Variants in ARHGAP39 observed in about 807,000 individuals in gnomAD.
ARHGAP39 encodes the protein rho GTPase-activating protein 39.
In ARHGAP39, 44 loss-of-function variants were observed where a neutral mutation model predicts 106.9. The ratio of observed to expected loss-of-function variants is 0.41; its 90% confidence interval spans 0.32 to 0.53. The LOEUF (loss-of-function observed/expected upper bound fraction) is 0.53. ARHGAP39 is among the 20% of genes least tolerant of loss of function. The pLI is 0.21. For synonymous variants in ARHGAP39, 768 were observed against 693.2 expected, an observed-to-expected ratio of 1.11 and a Z score of -1.69; for missense variants, 1,496 against 1,577.3, an observed-to-expected ratio of 0.95 and a Z score of 0.87.
chr8:144,692,748 CTTTTTTTTTTTT>C, the ARHGAP39 span, among the ~76,000 whole-genome samples: 1 of 69,050 alleles, frequency 1.4e-5, no homozygotes, highest in Non-Finnish European at 2.7e-5. Context: ...TTGTAAAATT[CTTTTTTTTTTTT>C]TTTTTTTTTT....
chr8:144,547,830 G>GCGTACTTGTGCCGCGGGC lies in ARHGAP39; in HGVS notation c.1238_1255dup (p.Gly413_Tyr418dup). On this transcript the variant is annotated inframe_insertion, in exon 5 of 12. Transcript: ENST00000377307. This position sits in a 1 kb window ranked among gnomAD's most constrained non-coding sequence, Gnocchi z 5.2. ...GTACGAACCACCGCCGGGGTTGGGCGCGTACTTGTGCCGCGGGCCGGCGCG... is the reference window on the plus strand; with the variant it reads ...GTACGAACCACCGCCGGGGTTGGGCGCGTACTTGTGCCGCGGGCCGTACTTGTGCCGCGGGCCGGCGCG... The GCGTACTTGTGCCGCGGGC allele has an allele frequency of 1.3e-6, 2 of 1,590,356 alleles. No individual in the cohort carries two copies. The highest frequency in any genetic ancestry group is 1.7e-6 in the Non-Finnish European group (2 of 1,170,050).
chr8:144,570,484 C>T (rs1436874652), intron 3 of ARHGAP39, among the ~76,000 whole-genome samples: 1 of 152,176 alleles, frequency 6.6e-6, no homozygotes. Flanking sequence ...AAGTTGACTT[C>T]AAGGCAAGAA....
intron 2 of ARHGAP39, among the ~76,000 whole-genome samples, chr8:144,597,732 T>C (rs1819675925): frequency 6.6e-6 from 1 of 151,968 alleles, no homozygotes; most frequent in South Asian, 2.1e-4. Flanking sequence ...AGGAGCTCAG[T>C]TAGGAAAGGG....
chr8:144,532,224 C>T, intron 10 of ARHGAP39, 81 bp downstream of exon 10: 2 of 1,229,008 alleles, frequency 1.6e-6, no homozygotes, highest in Non-Finnish European at 1.2e-6. Context: ...TCAGGGTGGA[C>T]CCCAGAGGCG....
chr8:144,554,014 T>C (rs966877451), intron 4 of ARHGAP39, among the ~76,000 whole-genome samples: 2 of 152,194 alleles, frequency 1.3e-5, no homozygotes, highest in Admixed American at 6.5e-5. Context: ...AGCACATGGA[T>C]GTACTCGTGG....
In ARHGAP39 at chr8:144,604,920, TC is replaced by T. The variant is rs1194398466; in HGVS notation, c.80+614del. On this transcript the variant is annotated intron_variant, in intron 2 of 11. Coordinates refer to ENST00000377307, the MANE Select transcript of ARHGAP39 (RefSeq NM_025251.3). This position sits in a 1 kb window ranked among gnomAD's most constrained non-coding sequence, Gnocchi z 4.1. Reference sequence around the variant, plus strand: ...GGCACTCGAGCACTCATGGGGCTGTTCTTATTCTTGTAACTTTTCTGGAAGC... The same window carrying T: ...GGCACTCGAGCACTCATGGGGCTGTTTTATTCTTGTAACTTTTCTGGAAGC... Among the ~76,000 whole-genome samples the T allele has an allele frequency of 6.6e-6, 1 of 152,248 alleles. No individual in the cohort carries two copies. Among genetic ancestry groups the T allele is most frequent in the African/African-American group, 2.4e-5 (1 of 41,462 alleles).
At chr8:144,682,006 C>T (rs1391350435) in intron 1 of ARHGAP39, among the ~76,000 whole-genome samples, 1 of 152,200 alleles carries the variant, frequency 6.6e-6, no homozygotes, top group East Asian at 1.9e-4. Context: ...CGGTGGCACA[C>T]GCCTGTAATC....
chr8:144,589,852 G>T (rs1819325152), intron 2 of ARHGAP39, among the ~76,000 whole-genome samples: 1 of 152,256 alleles, frequency 6.6e-6, no homozygotes, highest in Non-Finnish European at 1.5e-5. Flanking sequence ...GCCTCCTCCA[G>T]AAGCCTTAGG....
chr8:144,574,408 T>C (rs189120668), intron 3 of ARHGAP39, among the ~76,000 whole-genome samples: 1,870 of 152,114 alleles, frequency 0.012, 20 homozygotes, highest in Middle Eastern at 0.02. Context: ...TGGTGGCTCA[T>C]GCCTGTAATC....
At chr8:144,544,456 G>A (rs1223812112) in intron 6 of ARHGAP39, among the ~76,000 whole-genome samples, 3 of 152,268 alleles carry the variant, frequency 2.0e-5, no homozygotes, top group Non-Finnish European at 4.4e-5. Context: ...TGGCATGTCT[G>A]ACCTGGAGGG....
intron 1 of ARHGAP39, among the ~76,000 whole-genome samples, chr8:144,631,157 G>A (rs1563716435): frequency 6.6e-6 from 1 of 152,222 alleles, no homozygotes; most frequent in Non-Finnish European, 1.5e-5. Flanking sequence ...CGCCAAGGGG[G>A]TGGGCCAAGC....
chr8:144,591,247 G>A lies in ARHGAP39; in HGVS notation c.81-9970C>T, dbSNP rs906844203. ...CAATGGACAGCTGCTCTGTGCTCCC[G>A]TGAGCACAGACCTGCAGGGGAGGGT... On this transcript the variant is annotated intron_variant, in intron 2 of 11. Coordinates refer to ENST00000377307, the MANE Select transcript of ARHGAP39 (RefSeq NM_025251.3). This position sits in a 1 kb window ranked among gnomAD's most constrained non-coding sequence, Gnocchi z 5.3. 2.0e-5 allele frequency among the ~76,000 whole-genome samples: 3 copies of A among 152,162 alleles called. No individual in the cohort carries two copies. Among genetic ancestry groups the A allele is most frequent in the Admixed American group, 6.5e-5 (1 of 15,278 alleles).
At position 144,546,997 on chromosome 8, in the gene ARHGAP39, C is replaced by T. The variant is rs940711342; in HGVS notation, c.1959+130G>A. 47 of 1,199,536 alleles carry T rather than the reference C, an allele frequency of 3.9e-5. 1 individual carries two copies. The Middle Eastern group carries it at 8.7e-4, about 22-fold the overall frequency. 74.3% of individuals were successfully genotyped at this position (1,199,536 alleles called of 1,614,324 possible). A position where few individuals can be genotyped will look rare whatever the true frequency, so the allele number is the denominator to read the frequency against. On this transcript the variant is annotated intron_variant, in intron 5 of 11. Transcript: ENST00000377307. ...TGGAGTGCCCAGGGCCCCGGAGACACGGGGCTTCAGAACTCTGCGTGCTGC... is the reference window on the plus strand; with the variant it reads ...TGGAGTGCCCAGGGCCCCGGAGACATGGGGCTTCAGAACTCTGCGTGCTGC...
chr8:144,551,233 C>T (rs1182729407), intron 4 of ARHGAP39, among the ~76,000 whole-genome samples: 6 of 128,508 alleles, frequency 4.7e-5, no homozygotes, highest in African/African-American at 1.8e-4. Context: ...GGCAGGCGGC[C>T]GGGAGGGTGG....
chr8:144,586,714 G>A lies in ARHGAP39; in HGVS notation c.81-5437C>T, dbSNP rs112339763. Among the ~76,000 whole-genome samples the A allele has an allele frequency of 0.034, 5,113 of 152,314 alleles. 280 individuals are homozygous for A. Among genetic ancestry groups the A allele is most frequent in the African/African-American group, 0.12 (4,816 of 41,538 alleles). On this transcript the variant is annotated intron_variant, in intron 2 of 11. Coordinates refer to ENST00000377307, the MANE Select transcript of ARHGAP39 (RefSeq NM_025251.3). This position sits in a 1 kb window ranked among gnomAD's most constrained non-coding sequence, Gnocchi z 4.2. ...TGACACAGGGCTCAGAGCCTGCCCA[G>A]GGAAGGGGGCCTGGATGACAGCCCA... is the stretch of plus-strand genomic sequence containing the variant.
At position 144,645,413 on chromosome 8, in the gene ARHGAP39, G is replaced by A. The variant is rs1049993846; in HGVS notation, c.-81-39718C>T. 3.9e-5 allele frequency among the ~76,000 whole-genome samples: 6 copies of A among 152,132 alleles called. No homozygotes were observed. Among genetic ancestry groups the A allele is most frequent in the Non-Finnish European group, 8.8e-5 (6 of 68,006 alleles). On this transcript the variant is annotated intron_variant, in intron 1 of 11. Coordinates refer to ENST00000377307, the MANE Select transcript of ARHGAP39 (RefSeq NM_025251.3). This position sits in a 1 kb window ranked among gnomAD's most constrained non-coding sequence, Gnocchi z 4.4. ...TCCCTGCCTCACTGTGGTCTCTCCC[G>A]GCAGAGTCACTGATGGACTCCGTCA...
At chr8:144,609,683 TGAGCCACCGCGC>T (rs543927013) in intron 1 of ARHGAP39, among the ~76,000 whole-genome samples, 81 of 152,308 alleles carry the variant, frequency 5.3e-4, no homozygotes, top group African/African-American at 1.8e-3. Flanking sequence ...ATTACAGGCG[TGAGCCACCGCGC>T]CTGGCCATAT....
At chr8:144,629,061 C>T (rs992187409) in intron 1 of ARHGAP39, among the ~76,000 whole-genome samples, 26 of 152,236 alleles carry the variant, frequency 1.7e-4, no homozygotes, top group Admixed American at 1.3e-3. Flanking sequence ...TCACACCCTC[C>T]GTCCACTCCT....
chr8:144,605,248 G>A (rs1820239121), intron 2 of ARHGAP39, among the ~76,000 whole-genome samples: 1 of 152,192 alleles, frequency 6.6e-6, no homozygotes, highest in Admixed American at 6.5e-5. Flanking sequence ...ACAACCGAGT[G>A]AGACCCTGTC....
Sources: gnomAD v4.1 joint callset for allele counts (sites outside exome capture counted in the v4.1 genomes callset) on GRCh38, gnomAD v4.1.1 for gene constraint, Gnocchi (gnomAD v3.1) non-coding constraint, MANE v1.5 for transcripts, NCBI Gene and HGNC (gene_info 2026-07-23, HGNC 2026-07-21) for gene names.